DDX10: variants seen among roughly 807,000 people sequenced by gnomAD.
The protein encoded by DDX10 is probable ATP-dependent RNA helicase DDX10.
A neutral mutation model predicts 104.3 loss-of-function variants in DDX10; 74 were observed. The observed-to-expected ratio is 0.71, with a 90% CI of 0.59 to 0.86. The LOEUF (loss-of-function observed/expected upper bound fraction) is 0.86. DDX10 is among the 40% of genes least tolerant of loss of function. The probability of loss-of-function intolerance (pLI) is 0.00; values close to 1 mark genes in which losing one functional copy is unlikely to be tolerated. For synonymous variants in DDX10, 351 were observed against 353.4 expected (o/e 0.99, Z 0.08); for missense variants, 952 against 1,040.0 (o/e 0.92, Z 1.16).
chr11:108,695,015 A>G (rs2094257789), intron 9 of DDX10, among the ~76,000 whole-genome samples: 1 of 152,246 alleles, frequency 6.6e-6, no homozygotes, highest in African/African-American at 2.4e-5. Flanking sequence ...TGTAGCAGCA[A>G]AGCTGGGAGG....
chr11:108,802,010 G>GGTGTGTGTGTGT (rs111450290), intron 13 of DDX10, among the ~76,000 whole-genome samples: 15 of 142,064 alleles, frequency 1.1e-4, no homozygotes, highest in South Asian at 2.3e-4. Flanking sequence ...AAGTGAGTGG[G>GGTGTGTGTGTGT]GTGTGTGTGT....
At chr11:108,732,066 A>C (rs2094313015) in intron 13 of DDX10, among the ~76,000 whole-genome samples, 1 of 152,180 alleles carries the variant, frequency 6.6e-6, no homozygotes, top group African/African-American at 2.4e-5. Context: ...TCTCTGGAAA[A>C]AGAAGATTTG....
chr11:108,727,589 A>G (rs2094306872), intron 13 of DDX10, among the ~76,000 whole-genome samples: 1 of 152,196 alleles, frequency 6.6e-6, no homozygotes, highest in African/African-American at 2.4e-5. Context: ...TTGTATTCTC[A>G]CTTTAAACAG....
At chr11:108,791,807 G>T (rs368319272) in intron 13 of DDX10, among the ~76,000 whole-genome samples, 1 of 152,214 alleles carries the variant, frequency 6.6e-6, no homozygotes, top group African/African-American at 2.4e-5. Flanking sequence ...AAATGCTATA[G>T]GAGTGGGATT....
intron 9 of DDX10, among the ~76,000 whole-genome samples, chr11:108,694,676 C>G (rs1408210956): frequency 6.6e-6 from 1 of 152,148 alleles, no homozygotes; most frequent in African/African-American, 2.4e-5. Context: ...GTCAGGAGTT[C>G]AAGACCAGCC....
At position 108,900,779 on chromosome 11, in the gene DDX10, TTAA is replaced by T. The variant is rs373686161; in HGVS notation, c.2305-17089_2305-17087del. 2.4e-4 allele frequency among the ~76,000 whole-genome samples: 36 copies of T among 151,766 alleles called. No homozygotes were observed. In the East Asian group the frequency reaches 6.8e-3, roughly 29 times the overall value. On this transcript the variant is annotated intron_variant, in intron 16 of 17. Transcript: ENST00000322536. Reference sequence around the variant, plus strand: ...ACCTGGTTGGGAGACTCTGTGGGAGTTAATAATCCTGCTTCCCAAGCTGTATCC... The same window carrying T: ...ACCTGGTTGGGAGACTCTGTGGGAGTTAATCCTGCTTCCCAAGCTGTATCC...
intron 11 of DDX10, among the ~76,000 whole-genome samples, chr11:108,718,284 A>T (rs2094294039): frequency 6.6e-6 from 1 of 152,216 alleles, no homozygotes. Context: ...ATTCCAAAAT[A>T]TGAGAGCATC....
intron 6 of DDX10, among the ~76,000 whole-genome samples, chr11:108,687,080 C>T (rs543200801): frequency 9.2e-5 from 14 of 152,260 alleles, no homozygotes; most frequent in South Asian, 2.1e-4. Context: ...TCACTGCGCC[C>T]GGCCTCAAGT....
chr11:108,900,994 G>C (rs1488556130), intron 16 of DDX10, among the ~76,000 whole-genome samples: 2 of 152,082 alleles, frequency 1.3e-5, no homozygotes, highest in Non-Finnish European at 2.9e-5. Flanking sequence ...CTGAGCGTAA[G>C]TGAAATGGCA....
intron 16 of DDX10, among the ~76,000 whole-genome samples, chr11:108,916,789 T>A (rs982237395): frequency 1.3e-5 from 2 of 152,188 alleles, no homozygotes; most frequent in Non-Finnish European, 2.9e-5. Flanking sequence ...TGTCGTGTGA[T>A]GTTCATAACA....
chr11:108,851,931 G>T (rs1192765445), intron 15 of DDX10, among the ~76,000 whole-genome samples: 4 of 152,214 alleles, frequency 2.6e-5, no homozygotes, highest in Non-Finnish European at 5.9e-5. Context: ...TGCATAGCCA[G>T]AGTAAGTGAT....
At chr11:108,688,125 T>G (rs2094247229) in intron 6 of DDX10, among the ~76,000 whole-genome samples, 1 of 152,234 alleles carries the variant, frequency 6.6e-6, no homozygotes, top group Non-Finnish European at 1.5e-5. Context: ...TCCCTACTGA[T>G]GGACATTTGG....
At chr11:108,828,285 A>T (rs962019654) in intron 13 of DDX10, among the ~76,000 whole-genome samples, 6 of 152,040 alleles carry the variant, frequency 3.9e-5, no homozygotes, top group African/African-American at 7.2e-5. Context: ...CCCAATGTGT[A>T]GTCTTCTCCC....
At chr11:108,713,363 C>T (rs778075287) in intron 10 of DDX10, among the ~76,000 whole-genome samples, 7 of 151,998 alleles carry the variant, frequency 4.6e-5, no homozygotes, top group Non-Finnish European at 1.0e-4. Context: ...CCTTGAAGTT[C>T]TGTTGTGTTG....
intron 16 of DDX10, among the ~76,000 whole-genome samples, chr11:108,892,162 C>G (rs1591113249): frequency 6.6e-6 from 1 of 152,244 alleles, no homozygotes; most frequent in Non-Finnish European, 1.5e-5. Context: ...GTGTTTGGGT[C>G]TTGGGAGTGG....
At chr11:108,716,363 C>T (rs1173561351) in intron 11 of DDX10, among the ~76,000 whole-genome samples, 4 of 152,204 alleles carry the variant, frequency 2.6e-5, no homozygotes, top group South Asian at 4.1e-4. Context: ...TCCAAAAGTT[C>T]TGGGATTACA....
At chr11:108,740,592 C>T (rs1026778700) in intron 13 of DDX10, among the ~76,000 whole-genome samples, 1 of 152,208 alleles carries the variant, frequency 6.6e-6, no homozygotes, top group Non-Finnish European at 1.5e-5. Context: ...AACTAATTTA[C>T]ATTCCCACCA....
chr11:108,940,498 T>G lies in DDX10; in HGVS notation c.*75T>G. 2 of 1,509,234 alleles carry G rather than the reference T, an allele frequency of 1.3e-6. No individual in the cohort carries two copies. The highest frequency in any genetic ancestry group is 1.8e-6 in the Non-Finnish European group (2 of 1,112,196). 93.5% of individuals were successfully genotyped at this position (1,509,234 alleles called of 1,614,324 possible). On this transcript the variant is annotated 3_prime_UTR_variant, in exon 18 of 18. Coordinates refer to ENST00000322536, the MANE Select transcript of DDX10 (RefSeq NM_004398.4). ...GGCAAGAAGTTGAAAAACAGTTGAT[T>G]TGGGGGCACTTAGGTACCATATGCC...
chr11:108,851,676 A>C (rs1862794897), intron 15 of DDX10, among the ~76,000 whole-genome samples: 1 of 149,244 alleles, frequency 6.7e-6, no homozygotes. Flanking sequence ...AATGTATCGC[A>C]AAAAGCACTA....
Sources: gnomAD v4.1 joint callset for allele counts (sites outside exome capture counted in the v4.1 genomes callset) on GRCh38, gnomAD v4.1.1 for gene constraint, MANE v1.5 for transcripts, NCBI Gene and HGNC (gene_info 2026-07-23, HGNC 2026-07-21) for gene names.